The following KDM5C variants were observed in gnomAD, a reference collection of about 807,000 sequenced individuals.
KDM5C encodes the protein lysine demethylase 5C.
In KDM5C, 16 loss-of-function variants were observed where a neutral mutation model predicts 110.6. That is an observed-to-expected ratio of 0.14 (90% confidence interval 0.10 to 0.22). The LOEUF (loss-of-function observed/expected upper bound fraction) is 0.22. KDM5C is among the 10% of genes least tolerant of loss of function. The probability of loss-of-function intolerance (pLI) is 1.00; values close to 1 mark genes in which losing one functional copy is unlikely to be tolerated. For synonymous variants in KDM5C, 511 were observed against 520.4 expected (o/e 0.98, Z 0.24); for missense variants, 681 against 1,300.9 (o/e 0.52, Z 7.33).
chrX:53,213,609 A>C (rs1002288281), intron 8 of KDM5C, among the ~76,000 whole-genome samples: 1 of 111,481 alleles, frequency 9.0e-6, no homozygotes, highest in Admixed American at 9.6e-5. Context: ...CTCTCCTGCT[A>C]TACCTCTGTT....
At position 53,192,925 on chromosome X, in the gene KDM5C, G is replaced by A. The variant is rs782183274; in HGVS notation, c.*42C>T. On this transcript the variant is annotated 3_prime_UTR_variant, in exon 26 of 26. Coordinates refer to ENST00000375401, the MANE Select transcript of KDM5C (RefSeq NM_004187.5). Reference sequence around the variant, plus strand: ...GGTCAGAAAGAGGATCCTTGAGGCCGAGGGGGGTCTCTGTCAGGGTCTGTG... The same window carrying A: ...GGTCAGAAAGAGGATCCTTGAGGCCAAGGGGGGTCTCTGTCAGGGTCTGTG... 2.7e-5 allele frequency: 30 copies of A among 1,106,212 alleles called. No homozygotes were observed. Among genetic ancestry groups the A allele is most frequent in the Non-Finnish European group, 3.3e-5 (28 of 848,162 alleles). The allele number at this position is 1,106,212 out of a possible 1,213,427, so 91.2% of individuals were successfully genotyped here.
exon 26 of KDM5C, among the ~76,000 whole-genome samples, chrX:53,176,613 G>T (rs1933891902): frequency 8.9e-6 from 1 of 112,099 alleles, no homozygotes; most frequent in Admixed American, 9.5e-5. Flanking sequence ...GAGGCCTGAT[G>T]GTTGGTTTCC....
Position 53,211,669 on chromosome X carries a change from G to A in KDM5C, c.1243-14C>T, listed in dbSNP as rs375108003. The A allele has an allele frequency of 8.3e-7, 1 of 1,211,177 alleles. No homozygotes were observed. Among genetic ancestry groups the A allele is most frequent in the Non-Finnish European group, 1.1e-6 (1 of 895,087 alleles). ...TGTGGGCACCATCTGGGGGAAGACA[G>A]GTAGCAGATGACTATGGCCCATCAC... On this transcript the variant is annotated splice_polypyrimidine_tract_variant and intron_variant, in intron 9 of 25. Coordinates refer to ENST00000375401, the MANE Select transcript of KDM5C (RefSeq NM_004187.5).
intron 4 of KDM5C, 63 bp from the exon 5 acceptor site, chrX:53,217,340 C>T (rs951494522): frequency 2.3e-5 from 27 of 1,167,422 alleles, no homozygotes; most frequent in Non-Finnish European, 3.0e-5. Context: ...CAATAACTTC[C>T]CTCTACCCTC....
intron 12 of KDM5C, 106 bp downstream of exon 12, chrX:53,210,308 G>A (rs988709674): frequency 7.7e-6 from 8 of 1,037,170 alleles, no homozygotes; most frequent in African/African-American, 1.9e-5. Flanking sequence ...CAGCAATGAA[G>A]AAAGGCCAGG....
chrX:53,185,492 T>C (rs1934191196), intron 25 of KDM5C, among the ~76,000 whole-genome samples: 1 of 112,016 alleles, frequency 8.9e-6, no homozygotes, highest in Non-Finnish European at 1.9e-5. Flanking sequence ...TTTTTTTCTG[T>C]CCCAGGAGCT....
Position 53,197,058 on chromosome X carries a change from G to A in KDM5C, c.2623-14C>T. 3 of 1,153,467 alleles carry A rather than the reference G, an allele frequency of 2.6e-6. No homozygotes were observed. The highest frequency in any genetic ancestry group is 3.5e-6 in the Non-Finnish European group (3 of 852,107). ...TTCCAGAACACCCTACCAGGACACA[G>A]GATGAAGAACAAACTCCTCAGCTGG... On this transcript the variant is annotated splice_polypyrimidine_tract_variant and intron_variant, in intron 18 of 25. Coordinates refer to ENST00000375401, the MANE Select transcript of KDM5C (RefSeq NM_004187.5).
At chrX:53,215,998 G>A (rs2146940380) in intron 6 of KDM5C, 22 bp from the exon 7 acceptor site, 1 of 1,211,598 alleles carries the variant, frequency 8.3e-7, no homozygotes, top group Non-Finnish European at 1.1e-6. Flanking sequence ...AAAAATGGCT[G>A]TAAACACAGG....
chrX:53,176,486 G>T (rs1283606464), exon 26 of KDM5C, among the ~76,000 whole-genome samples: 1 of 111,852 alleles, frequency 8.9e-6, no homozygotes, highest in Non-Finnish European at 1.9e-5. Context: ...GTAACCATAT[G>T]CAGGAAAACA....
downstream of KDM5C, chrX:53,192,012 G>A (rs1380353840): frequency 5.8e-6 from 1 of 173,854 alleles, no homozygotes; most frequent in Non-Finnish European, 1.1e-5. Context: ...TCTTGCCCAA[G>A]GTTAAGAAGC....
At chrX:53,184,272 T>C (rs1209962535) in intron 25 of KDM5C, among the ~76,000 whole-genome samples, 1 of 111,340 alleles carries the variant, frequency 9.0e-6, no homozygotes, top group Non-Finnish European at 1.9e-5. Flanking sequence ...TGAGGTCTCA[T>C]TCTGTCACCT....
At position 53,217,161 on chromosome X, in the gene KDM5C, G is replaced by C; in HGVS notation, c.639C>G (p.Ala213=). The C allele has an allele frequency of 1.7e-6, 2 of 1,208,629 alleles. No homozygotes were observed. The highest frequency in any genetic ancestry group is 3.6e-5 in the South Asian group (2 of 56,256). Residue 213 remains alanine (A), a synonymous_variant, in exon 5 of 26, where the codon GCC becomes GCG. Coordinates refer to ENST00000375401, the MANE Select transcript of KDM5C (RefSeq NM_004187.5). ...PSKFNSYGRR[A]KRLQPDPEPT... is the part of the protein sequence containing the mutation. ...TACTCACATCAGGCTGCAGTCTCTT[G>C]GCCCGCCGGCCATAGCTGTTGAACT...
At chrX:53,199,569 T>C (rs2073077121) in intron 14 of KDM5C, among the ~76,000 whole-genome samples, 2 of 111,750 alleles carry the variant, frequency 1.8e-5, no homozygotes, top group Admixed American at 1.9e-4. Context: ...CAGAGCCCAC[T>C]GTGTTCCAGG....
Position 53,210,595 on chromosome X carries a change from GAC to G in KDM5C, c.1584-21_1584-20del, listed in dbSNP as rs782009830. The G allele has an allele frequency of 7.4e-6, 9 of 1,211,801 alleles. No individual in the cohort carries two copies. The South Asian group carries it at 1.6e-4, about 21-fold the overall frequency. ...CTCACCCCTGCACAAGTGGAAAAGG[GAC>G]ACACACAGTAAATCACACCTTGGTC... On this transcript the variant is annotated intron_variant, in intron 11 of 25. Transcript: ENST00000375401.
chrX:53,210,696 G>A lies in KDM5C; in HGVS notation c.1563C>T (p.Tyr521=), dbSNP rs148976058. The A allele has an allele frequency of 9.1e-6, 11 of 1,209,654 alleles. No individual in the cohort carries two copies. Among genetic ancestry groups the A allele is most frequent in the Non-Finnish European group, 1.2e-5 (11 of 894,961 alleles). The part of the protein sequence containing the change: ...FCWHIEDHWS[Y]SINYLHWGEP... The stretch of plus-strand genomic sequence containing the variant: ...CTCACCAGTGGAGGTAGTTAATGGA[G>A]TAACTCCAGTGATCCTCAATATGCC... Residue 521 remains tyrosine, a synonymous_variant, in exon 11 of 26, where the codon TAC becomes TAT. Transcript: ENST00000375401.
At chrX:53,203,891 C>T (rs1418469400) in intron 12 of KDM5C, among the ~76,000 whole-genome samples, 7 of 110,531 alleles carry the variant, frequency 6.3e-5, no homozygotes, top group East Asian at 2.8e-4. Flanking sequence ...CTCAGCCTTC[C>T]AAGCAGCTGG....
chrX:53,193,878 G>A, intron 23 of KDM5C, 27 bp from the exon 24 acceptor site: 1 of 1,175,091 alleles, frequency 8.5e-7, no homozygotes, highest in East Asian at 3.0e-5. Flanking sequence ...GAATAGGTAG[G>A]GGCAACTGAA....
downstream of KDM5C, among the ~76,000 whole-genome samples, chrX:53,188,414 T>C (rs1302326405): frequency 9.2e-6 from 1 of 108,317 alleles, no homozygotes; most frequent in African/African-American, 3.4e-5. Context: ...TTGCACTTGT[T>C]GCCCAGACTG....
intron 25 of KDM5C, among the ~76,000 whole-genome samples, chrX:53,177,864 A>G (rs1271981852): frequency 8.9e-6 from 1 of 111,915 alleles, no homozygotes. Flanking sequence ...TGTTTGAAGA[A>G]AAAAACCCTT....
Sources: allele counts gnomAD v4.1 joint callset (sites outside exome capture counted in the v4.1 genomes callset), GRCh38; gene constraint gnomAD v4.1.1; transcripts MANE v1.5; gene names NCBI Gene and HGNC (gene_info 2026-07-23, HGNC 2026-07-21).